Variants in C1QL4 observed in about 807,000 individuals in gnomAD.
C1QL4 encodes complement C1q like 4, also known as complement C1q-like protein 4.
A neutral mutation model predicts 13.4 loss-of-function variants in C1QL4; 5 were observed. That is an observed-to-expected ratio of 0.37 (90% CI 0.19 to 0.78). The LOEUF is 0.78. C1QL4 is among the 30% of genes least tolerant of loss of function. The pLI is 0.47. For missense variants in C1QL4, 367 were observed against 361.6 expected (o/e 1.01, Z -0.12); for synonymous variants, 168 against 153.9 (o/e 1.09, Z -0.68).
At position 49,333,053 on chromosome 12, in the gene C1QL4, C is replaced by A. The variant is rs1943603930; in HGVS notation, c.*1G>T. The A allele has an allele frequency of 6.2e-7, 1 of 1,611,018 alleles. No individual in the cohort carries two copies. Among genetic ancestry groups the A allele is most frequent in the African/African-American group, 1.3e-5 (1 of 74,862 alleles). On this transcript the variant is annotated 3_prime_UTR_variant, in exon 2 of 2. Coordinates refer to ENST00000334221, the MANE Select transcript of C1QL4 (RefSeq NM_001008223.2). The stretch of plus-strand genomic sequence containing the variant: ...GAGCGGGGGCACGGGGCGGGGCCGG[C>A]TCAGTCGGGGTAGATGATGAAGCCG...
chr12:49,336,896 A>C lies in C1QL4; in HGVS notation c.-419T>G, dbSNP rs141406944. The C allele has an allele frequency of 0.014, 2,313 of 167,690 alleles. 22 individuals carry two copies. The highest frequency in any genetic ancestry group is 0.02 in the Non-Finnish European group (1,605 of 78,446). The allele number at this position is 167,690 out of a possible 1,614,324, so 10.4% of individuals were successfully genotyped here. A position where few individuals can be genotyped will look rare whatever the true frequency, so the allele number is the denominator to read the frequency against. On this transcript the variant is annotated 5_prime_UTR_variant, in exon 1 of 2. Coordinates refer to ENST00000334221, the MANE Select transcript of C1QL4 (RefSeq NM_001008223.2). This position sits in a 1 kb window ranked among gnomAD's most constrained non-coding sequence, Gnocchi z 7.7. ...CTGCTCTCCAGACTGCTGCTCTCTC[A>C]GGGATGGCGCGGTGCCTGGGTCCCA...
chr12:49,336,661 C>G lies in C1QL4; in HGVS notation c.-184G>C. 2 of 648,560 alleles carry G rather than the reference C, an allele frequency of 3.1e-6. No homozygotes were observed. Among genetic ancestry groups the G allele is most frequent in the Non-Finnish European group, 2.4e-6 (1 of 424,124 alleles). The allele number at this position is 648,560 out of a possible 1,614,324, so 40.2% of individuals were successfully genotyped here. On this transcript the variant is annotated 5_prime_UTR_variant, in exon 1 of 2. Coordinates refer to ENST00000334221, the MANE Select transcript of C1QL4 (RefSeq NM_001008223.2). The surrounding 1 kb of genome is among the most constrained non-coding windows in gnomAD (Gnocchi z 7.7). ...CTCCCCCGACGGCTGCCCCCCGCTC[C>G]CCTTACCCTGCCTCTGCGGGCTCCA...
At chr12:49,335,036 C>G (rs963538053) in intron 1 of C1QL4, among the ~76,000 whole-genome samples, 5 of 152,266 alleles carry the variant, frequency 3.3e-5, no homozygotes, top group African/African-American at 1.2e-4. Flanking sequence ...CCCACCTACC[C>G]CACACCTGCG....
In C1QL4 at chr12:49,336,593, CGCGGGCCAGGAGGCGGT is replaced by C. The variant is rs1439092644; in HGVS notation, c.-133_-117del. ...AATGGCTGCCGGGGCCGGGGCTCTC[CGCGGGCCAGGAGGCGGT>C]GACCCGCCTTGGGCCTGGGTCTGCA... On this transcript the variant is annotated 5_prime_UTR_variant, in exon 1 of 2. Coordinates refer to ENST00000334221, the MANE Select transcript of C1QL4 (RefSeq NM_001008223.2). This position sits in a 1 kb window ranked among gnomAD's most constrained non-coding sequence, Gnocchi z 7.7. 9.6e-6 allele frequency: 12 copies of C among 1,245,686 alleles called. No individual in the cohort carries two copies. Among genetic ancestry groups the C allele is most frequent in the Non-Finnish European group, 1.2e-5 (12 of 961,748 alleles). 77.2% of individuals were successfully genotyped at this position (1,245,686 alleles called of 1,614,324 possible). A position where few individuals can be genotyped will look rare whatever the true frequency, so the allele number is the denominator to read the frequency against.
chr12:49,335,439 C>T (rs370282872), intron 1 of C1QL4, among the ~76,000 whole-genome samples: 150 of 152,330 alleles, frequency 9.8e-4, no homozygotes, highest in African/African-American at 3.4e-3. Context: ...ACATCCAACC[C>T]GAATGCCCTC....
At chr12:49,333,694 G>A (rs753263267) in intron 1 of C1QL4, among the ~76,000 whole-genome samples, 30 of 151,008 alleles carry the variant, frequency 2.0e-4, no homozygotes, top group Non-Finnish European at 3.1e-4. Flanking sequence ...CTACTACCAC[G>A]CCCAGCTAAT....
At position 49,337,031 on chromosome 12, in the gene C1QL4, G is replaced by A. The variant is rs1943639375; in HGVS notation, c.-554C>T. On this transcript the variant is annotated 5_prime_UTR_variant, in exon 1 of 2. Coordinates refer to ENST00000334221, the MANE Select transcript of C1QL4 (RefSeq NM_001008223.2). ...CTCACCGGGCGCGATCTCCTAGTAG[G>A]TTTTGCGCTCTGCCTCTTGGCAAGC... 6.6e-6 allele frequency: 1 copy of A among 152,504 alleles called. No individual in the cohort carries two copies. The highest frequency in any genetic ancestry group is 2.1e-4 in the South Asian group (1 of 4,844). The allele number at this position is 152,504 out of a possible 1,614,324, so 9.4% of individuals were successfully genotyped here.
Position 49,335,950 on chromosome 12 carries a change from C to A in C1QL4, c.528G>T (p.Lys176Asn), listed in dbSNP as rs758581029. 24 of 1,602,694 alleles carry A rather than the reference C, an allele frequency of 1.5e-5. No homozygotes were observed. Among genetic ancestry groups the A allele is most frequent in the Non-Finnish European group, 8.5e-7 (1 of 1,175,698 alleles). The change falls in exon 1 of 2, where the codon AAG becomes AAT. Residue 176 changes from lysine to asparagine, a missense_variant. Transcript: ENST00000334221. ...GAGAGGGGCATCTCACCTGTCCGTTCTTCATGAGGTCGGCCCACATGCTGG... is the reference window on the plus strand; with the variant it reads ...GAGAGGGGCATCTCACCTGTCCGTTATTCATGAGGTCGGCCCACATGCTGG... ...DGTSMWADLM[K>N]NGQVRASAIA... is the part of the protein sequence containing the mutation.
chr12:49,336,515 C>A lies in C1QL4; in HGVS notation c.-38G>T. The A allele has an allele frequency of 6.9e-7, 1 of 1,456,400 alleles. No homozygotes were observed. Among genetic ancestry groups the A allele is most frequent in the Non-Finnish European group, 8.9e-7 (1 of 1,119,986 alleles). The allele number at this position is 1,456,400 out of a possible 1,614,324, so 90.2% of individuals were successfully genotyped here. A position where few individuals can be genotyped will look rare whatever the true frequency, so the allele number is the denominator to read the frequency against. Reference sequence around the variant, plus strand: ...GGCCGCGCCCGCCACCCTCTTGCGGCGGCTCAGCCGCGACGCTGCCAGGGC... The same window carrying A: ...GGCCGCGCCCGCCACCCTCTTGCGGAGGCTCAGCCGCGACGCTGCCAGGGC... On this transcript the variant is annotated 5_prime_UTR_variant, in exon 1 of 2. Coordinates refer to ENST00000334221, the MANE Select transcript of C1QL4 (RefSeq NM_001008223.2). This position sits in a 1 kb window ranked among gnomAD's most constrained non-coding sequence, Gnocchi z 7.7.
In C1QL4 at chr12:49,336,105, C is replaced by T; in HGVS notation, c.373G>A (p.Val125Met). The T allele has an allele frequency of 6.2e-7, 1 of 1,611,926 alleles. No individual in the cohort carries two copies. Among genetic ancestry groups the T allele is most frequent in the Non-Finnish European group, 8.5e-7 (1 of 1,179,866 alleles). ...GLRRPHEGYE[V>M]LRFDDVVTNV... ...GTCACCACGTCGTCGAAGCGCAGCA[C>T]CTCGTAACCCTCGTGGGGCCGCCGC... Residue 125 changes from valine to methionine, a missense_variant, in exon 1 of 2, where the codon GTG (valine) becomes ATG (methionine). Physicochemically the swap from Val to Met is conservative, Grantham distance 21. Coordinates refer to ENST00000334221, the MANE Select transcript of C1QL4 (RefSeq NM_001008223.2). The surrounding 1 kb of genome is among the most constrained non-coding windows in gnomAD (Gnocchi z 7.7).
chr12:49,336,728 G>T lies in C1QL4; in HGVS notation c.-251C>A. 1 of 453,728 alleles carries T rather than the reference G, an allele frequency of 2.2e-6. No individual in the cohort carries two copies. The highest frequency in any genetic ancestry group is 3.7e-5 in the East Asian group (1 of 27,024). 28.1% of individuals were successfully genotyped at this position (453,728 alleles called of 1,614,324 possible). ...TCCCCAAGCCGTCCGTCAAGGGGAG[G>T]CCCCTCGTGGGTTACGTCAGGGGCA... On this transcript the variant is annotated 5_prime_UTR_variant, in exon 1 of 2. Transcript: ENST00000334221. The surrounding 1 kb of genome is among the most constrained non-coding windows in gnomAD (Gnocchi z 7.7).
Position 49,336,327 on chromosome 12 carries a change from G to A in C1QL4, c.151C>T (p.Pro51Ser). 3 of 1,421,732 alleles carry A rather than the reference G, an allele frequency of 2.1e-6. No individual in the cohort carries two copies. Among genetic ancestry groups the A allele is most frequent in the Non-Finnish European group, 2.7e-6 (3 of 1,097,400 alleles). 88.1% of individuals were successfully genotyped at this position (1,421,732 alleles called of 1,614,324 possible). The change falls in exon 1 of 2, where the codon CCC becomes TCC. Residue 51 changes from proline to serine, a missense_variant. Pro to Ser is a moderately conservative substitution (Grantham distance 74). Transcript: ENST00000334221. This position sits in a 1 kb window ranked among gnomAD's most constrained non-coding sequence, Gnocchi z 7.7. ...GPDGAPASVP[P>S]FPPGAKGEVG... ...TCTCCCTTGGCGCCTGGCGGGAAGG[G>A]GGGCACGGAAGCAGGCGCGCCGTCG...
At position 49,332,970 on chromosome 12, in the gene C1QL4, T is replaced by C; in HGVS notation, c.*84A>G. On this transcript the variant is annotated 3_prime_UTR_variant, in exon 2 of 2. Coordinates refer to ENST00000334221, the MANE Select transcript of C1QL4 (RefSeq NM_001008223.2). ...ACCCCACCGCCAGGCTCTCAAAGGG[T>C]GGGGTGGCGCCTCGGGTGGGGCGGG... The C allele has an allele frequency of 7.4e-7, 1 of 1,357,908 alleles. No homozygotes were observed. The allele number at this position is 1,357,908 out of a possible 1,614,324, so 84.1% of individuals were successfully genotyped here. A position where few individuals can be genotyped will look rare whatever the true frequency, so the allele number is the denominator to read the frequency against.
Position 49,332,878 on chromosome 12 carries a change from C to T in C1QL4, c.*176G>A, listed in dbSNP as rs1439007675. ...CTCTGGCCGGGTCTCCTCCTCTTCC[C>T]GGCCACTTATACCCTTGAGCACCAA... On this transcript the variant is annotated 3_prime_UTR_variant, in exon 2 of 2. Coordinates refer to ENST00000334221, the MANE Select transcript of C1QL4 (RefSeq NM_001008223.2). The T allele has an allele frequency of 2.9e-6, 2 of 682,108 alleles. No homozygotes were observed. Among genetic ancestry groups the T allele is most frequent in the Non-Finnish European group, 4.8e-6 (2 of 415,154 alleles). 42.3% of individuals were successfully genotyped at this position (682,108 alleles called of 1,614,324 possible).
intron 1 of C1QL4, 138 bp from the exon 2 acceptor site, chr12:49,333,371 C>G (rs1243803126): frequency 1.2e-6 from 1 of 815,426 alleles, no homozygotes; most frequent in East Asian, 2.8e-5. Context: ...TAGGACATCA[C>G]GGAGTTGCTC....
rs952083793 is a variant in C1QL4, at chr12:49,336,520, C to G, written c.-43G>C. On this transcript the variant is annotated 5_prime_UTR_variant, in exon 1 of 2. Transcript: ENST00000334221. This position sits in a 1 kb window ranked among gnomAD's most constrained non-coding sequence, Gnocchi z 7.7. ...CGCCCGCCACCCTCTTGCGGCGGCT[C>G]AGCCGCGACGCTGCCAGGGCCAGCA... The G allele has an allele frequency of 1.4e-6, 2 of 1,449,258 alleles. No homozygotes were observed. Among genetic ancestry groups the G allele is most frequent in the African/African-American group, 1.5e-5 (1 of 67,182 alleles). The allele number at this position is 1,449,258 out of a possible 1,614,324, so 89.8% of individuals were successfully genotyped here. A position where few individuals can be genotyped will look rare whatever the true frequency, so the allele number is the denominator to read the frequency against.
Position 49,336,299 on chromosome 12 carries a change from A to C in C1QL4, c.179T>G (p.Val60Gly). The C allele has an allele frequency of 7.1e-7, 1 of 1,417,760 alleles. No homozygotes were observed. Among genetic ancestry groups the C allele is most frequent in the Non-Finnish European group, 9.1e-7 (1 of 1,094,232 alleles). The allele number at this position is 1,417,760 out of a possible 1,614,324, so 87.8% of individuals were successfully genotyped here. A position where few individuals can be genotyped will look rare whatever the true frequency, so the allele number is the denominator to read the frequency against. Reference sequence around the variant, plus strand: ...CAGGCCTGCTTTCCCGCGCCGGCCCACCTCTCCCTTGGCGCCTGGCGGGAA... The same window carrying C: ...CAGGCCTGCTTTCCCGCGCCGGCCCCCCTCTCCCTTGGCGCCTGGCGGGAA... ...PPFPPGAKGE[V>G]GRRGKAGLRG... Residue 60 changes from valine to glycine, a missense_variant, in exon 1 of 2, where the codon GTG (valine) becomes GGG (glycine). By Grantham distance (109) the Val-to-Gly change is moderately radical. Coordinates refer to ENST00000334221, the MANE Select transcript of C1QL4 (RefSeq NM_001008223.2). This position sits in a 1 kb window ranked among gnomAD's most constrained non-coding sequence, Gnocchi z 7.7.
rs971889955 is a variant in C1QL4, at chr12:49,332,967, G to C, written c.*87C>G. 7 of 1,368,122 alleles carry C rather than the reference G, an allele frequency of 5.1e-6. No individual in the cohort carries two copies. The highest frequency in any genetic ancestry group is 6.9e-6 in the Non-Finnish European group (7 of 1,009,022). The allele number at this position is 1,368,122 out of a possible 1,614,324, so 84.7% of individuals were successfully genotyped here. A position where few individuals can be genotyped will look rare whatever the true frequency, so the allele number is the denominator to read the frequency against. On this transcript the variant is annotated 3_prime_UTR_variant, in exon 2 of 2. Coordinates refer to ENST00000334221, the MANE Select transcript of C1QL4 (RefSeq NM_001008223.2). ...TCCACCCCACCGCCAGGCTCTCAAA[G>C]GGTGGGGTGGCGCCTCGGGTGGGGC...
intron 1 of C1QL4, among the ~76,000 whole-genome samples, chr12:49,334,618 C>T (rs1476359799): frequency 1.3e-5 from 2 of 152,156 alleles, no homozygotes; most frequent in Non-Finnish European, 2.9e-5. Context: ...GTGGGAGCTG[C>T]GCAGTCCCCT....
Sources: allele counts gnomAD v4.1 joint callset (sites outside exome capture counted in the v4.1 genomes callset), GRCh38; gene constraint gnomAD v4.1.1; non-coding constraint Gnocchi (gnomAD v3.1); transcripts MANE v1.5; gene names NCBI Gene and HGNC (gene_info 2026-07-23, HGNC 2026-07-21).